LRPPRC: variants seen among roughly 807,000 people sequenced by gnomAD.
LRPPRC encodes leucine-rich PPR motif-containing protein, mitochondrial.
LRPPRC carries 120 observed loss-of-function variants against 180.3 expected under a neutral mutation model. The ratio of observed to expected loss-of-function variants is 0.67; its 90% CI spans 0.57 to 0.77. The LOEUF is 0.77. LRPPRC is among the 30% of genes least tolerant of loss of function. The probability of loss-of-function intolerance (pLI) is 0.00; values close to 1 mark genes in which losing one functional copy is unlikely to be tolerated. For synonymous variants in LRPPRC, 723 were observed against 600.0 expected (o/e 1.21, Z -3.00); for missense variants, 2,012 against 1,657.2 (o/e 1.21, Z -3.72).
rs1572927324 is a variant in LRPPRC at position 43,925,250 on chromosome 2, T to A, written c.2806-93A>T. On this transcript the variant is annotated intron_variant, in intron 26 of 37. Coordinates refer to ENST00000260665, the MANE Select transcript of LRPPRC (RefSeq NM_133259.4). ...AGTGGAATAATCTTTCAAATTAGCT[T>A]TACCAAAAGGGCAGTTGAACTTCAT... 10 of 802,662 alleles carry A rather than the reference T, an allele frequency of 1.2e-5. No individual in the cohort carries two copies. In the East Asian group the frequency reaches 2.4e-4, roughly 20 times the overall value. The allele number at this position is 802,662 out of a possible 1,614,324, so 49.7% of individuals were successfully genotyped here. A position where few individuals can be genotyped will look rare whatever the true frequency, so the allele number is the denominator to read the frequency against.
At chr2:43,968,426 G>A (rs1673653199) in intron 11 of LRPPRC, among the ~76,000 whole-genome samples, 1 of 152,196 alleles carries the variant, frequency 6.6e-6, no homozygotes, top group Non-Finnish European at 1.5e-5. Context: ...AGGCATGGAA[G>A]AAATTCTTGT....
At chr2:43,940,564 CA>C (rs201966203) in intron 23 of LRPPRC, among the ~76,000 whole-genome samples, 2 of 151,686 alleles carry the variant, frequency 1.3e-5, no homozygotes, top group African/African-American at 4.8e-5. Flanking sequence ...CAAACCAGCA[CA>C]AAAAAAATCC....
At chr2:43,963,417 C>A (rs1673429796) in intron 12 of LRPPRC, 171 bp downstream of exon 12, 1 of 651,418 alleles carries the variant, frequency 1.5e-6, no homozygotes, top group Non-Finnish European at 2.7e-6. Context: ...GCACTCCTGC[C>A]TGGGCAATGA....
chr2:43,970,163 C>A (rs1463707864), intron 11 of LRPPRC, among the ~76,000 whole-genome samples: 5 of 152,178 alleles, frequency 3.3e-5, no homozygotes, highest in Non-Finnish European at 5.9e-5. Context: ...ATCTTCTAAG[C>A]CTCAAATATG....
In LRPPRC at chr2:43,925,971, A is replaced by T. The variant is rs1380475240; in HGVS notation, c.2737-10T>A. The T allele has an allele frequency of 2.6e-6, 4 of 1,560,428 alleles. No individual in the cohort carries two copies. The highest frequency in any genetic ancestry group is 3.5e-6 in the Non-Finnish European group (4 of 1,131,080). ...CTCTAATCCCTGGAGTCTGTAAAAT[A>T]AAATAATCACATAGCACCCAAGGTA... is the stretch of plus-strand genomic sequence containing the variant. On this transcript the variant is annotated splice_polypyrimidine_tract_variant and intron_variant, in intron 25 of 37. Coordinates refer to ENST00000260665, the MANE Select transcript of LRPPRC (RefSeq NM_133259.4).
intron 27 of LRPPRC, among the ~76,000 whole-genome samples, chr2:43,922,734 G>A (rs1249756509): frequency 1.3e-5 from 2 of 152,194 alleles, no homozygotes; most frequent in Admixed American, 6.5e-5. Flanking sequence ...GGGCAACACA[G>A]CAAGACCCAA....
intron 27 of LRPPRC, among the ~76,000 whole-genome samples, chr2:43,921,102 G>A (rs1367496568): frequency 6.6e-6 from 1 of 152,110 alleles, no homozygotes; most frequent in Non-Finnish European, 1.5e-5. Flanking sequence ...GACCAGCCTG[G>A]ACAACATGGT....
intron 11 of LRPPRC, among the ~76,000 whole-genome samples, chr2:43,967,648 C>T (rs1292729719): frequency 6.6e-6 from 1 of 152,100 alleles, no homozygotes; most frequent in Non-Finnish European, 1.5e-5. Flanking sequence ...GAGCCAGTAT[C>T]ACGCCACTAC....
rs892297678 is a variant in LRPPRC, at chr2:43,900,638, C to CA, written c.3569+681dup. ...AAAACACAACTGTTTCTCAAACAAACAAAAAAAAACCCCTACAAAAACAAA... is the reference window on the plus strand; with the variant it reads ...AAAACACAACTGTTTCTCAAACAAACAAAAAAAAAACCCCTACAAAAACAAA... On this transcript the variant is annotated intron_variant, in intron 32 of 37. Coordinates refer to ENST00000260665, the MANE Select transcript of LRPPRC (RefSeq NM_133259.4). Among the ~76,000 whole-genome samples the CA allele has an allele frequency of 7.3e-5, 11 of 150,318 alleles. No homozygotes were observed. In the East Asian group the frequency reaches 9.7e-4, roughly 13 times the overall value.
At chr2:43,924,949 T>C in intron 27 of LRPPRC, 118 bp downstream of exon 27, 1 of 738,804 alleles carries the variant, frequency 1.4e-6, no homozygotes. Context: ...CCTGAGCCTC[T>C]GTTGAATGAA....
intron 35 of LRPPRC, among the ~76,000 whole-genome samples, chr2:43,895,480 G>A (rs1670645717): frequency 6.6e-6 from 1 of 152,140 alleles, no homozygotes; most frequent in African/African-American, 2.4e-5. Flanking sequence ...AAGGCAACAG[G>A]GACTTGGCAC....
At chr2:43,899,709 A>C (rs1670818696) in intron 32 of LRPPRC, 104 bp from the exon 33 acceptor site, 1 of 740,416 alleles carries the variant, frequency 1.4e-6, no homozygotes, top group Non-Finnish European at 2.3e-6. Flanking sequence ...CTAATACTTT[A>C]GGAAAAAAAT....
intron 27 of LRPPRC, among the ~76,000 whole-genome samples, chr2:43,921,480 T>A (rs572094191): frequency 5.9e-5 from 9 of 152,096 alleles, no homozygotes; most frequent in African/African-American, 2.2e-4. Context: ...GAAGCCACAA[T>A]GTAGAAATGT....
chr2:43,922,931 G>C (rs1030843234), intron 27 of LRPPRC, among the ~76,000 whole-genome samples: 1 of 152,084 alleles, frequency 6.6e-6, no homozygotes, highest in Non-Finnish European at 1.5e-5. Flanking sequence ...TACAAATGTG[G>C]TTAAAAAGAA....
chr2:43,929,924 T>C (rs1347571554), intron 25 of LRPPRC, among the ~76,000 whole-genome samples: 1 of 150,884 alleles, frequency 6.6e-6, no homozygotes, highest in African/African-American at 2.4e-5. Flanking sequence ...AACTGACATA[T>C]CCTGAAATTT....
intron 14 of LRPPRC, among the ~76,000 whole-genome samples, chr2:43,951,338 C>T (rs926713605): frequency 1.3e-5 from 2 of 152,038 alleles, no homozygotes; most frequent in Non-Finnish European, 2.9e-5. Flanking sequence ...CTTAACTTGC[C>T]AGTAGCCTAC....
chr2:43,996,052 C>G, upstream of LRPPRC: 2 of 1,180,816 alleles, frequency 1.7e-6, no homozygotes, highest in South Asian at 2.8e-5. Context: ...CCGGGCGTGC[C>G]AAATGTGGGG....
chr2:43,905,772 G>C lies in LRPPRC; in HGVS notation c.3284C>G (p.Thr1095Ser), dbSNP rs903045453. Residue 1095 changes from threonine to serine, a missense_variant, in exon 31 of 38, where the codon ACC becomes AGC. Physicochemically the swap from Thr to Ser is moderately conservative, Grantham distance 58 (BLOSUM62 1). Coordinates refer to ENST00000260665, the MANE Select transcript of LRPPRC (RefSeq NM_133259.4). Reference protein sequence around the residue: ...QAMEVKAFAETHIKGFTLNDA... With the variant: ...QAMEVKAFAESHIKGFTLNDA... ...GTTCAGTGTGAAGCCCTTGATGTGG[G>C]TCTCCGCGCTAAAAGAAGCAGACAT... The C allele has an allele frequency of 1.9e-6, 3 of 1,607,826 alleles. No homozygotes were observed. Among genetic ancestry groups the C allele is most frequent in the African/African-American group, 1.3e-5 (1 of 74,832 alleles).
At chr2:43,956,821 C>A (rs1389028718) in intron 14 of LRPPRC, among the ~76,000 whole-genome samples, 1 of 152,056 alleles carries the variant, frequency 6.6e-6, no homozygotes, top group Non-Finnish European at 1.5e-5. Context: ...ACCCAGGAGG[C>A]GGACGTCGCA....
Sources: gnomAD v4.1 joint callset for allele counts (sites outside exome capture counted in the v4.1 genomes callset) on GRCh38, gnomAD v4.1.1 for gene constraint, MANE v1.5 for transcripts, NCBI Gene and HGNC (gene_info 2026-07-23, HGNC 2026-07-21) for gene names.